Variants in PARP10 observed in about 807,000 individuals in gnomAD.
The protein encoded by PARP10 is protein mono-ADP-ribosyltransferase PARP10.
In PARP10, 56 loss-of-function variants were observed where a neutral mutation model predicts 82.4. That is an observed-to-expected ratio of 0.68 (90% CI 0.55 to 0.85). The LOEUF (loss-of-function observed/expected upper bound fraction) is 0.85, where lower values mean the gene tolerates loss of function less well. Ranked by LOEUF, PARP10 falls within the 40% of genes least tolerant of loss-of-function variation. The probability of loss-of-function intolerance (pLI) is 0.00; values close to 1 mark genes in which losing one functional copy is unlikely to be tolerated. For missense variants in PARP10, 1,227 were observed against 1,379.4 expected, an observed-to-expected ratio of 0.89 and a Z score of 1.75; for synonymous variants, 576 against 601.1, an observed-to-expected ratio of 0.96 and a Z score of 0.61.
chr8:143,978,156 G>A, intron 9 of PARP10, 75 bp from the exon 10 acceptor site: 1 of 1,419,822 alleles, frequency 7.0e-7, no homozygotes, highest in South Asian at 1.5e-5. Flanking sequence ...AGCTGAGCCT[G>A]GCAACCAGGA....
rs1833959909 is a variant in PARP10, at chr8:143,985,280, A to T, written c.722T>A (p.Leu241Gln). 3 of 1,613,108 alleles carry T rather than the reference A, an allele frequency of 1.9e-6. No individual in the cohort carries two copies. The highest frequency in any genetic ancestry group is 2.5e-6 in the Non-Finnish European group (3 of 1,179,596). The change falls in exon 5 of 11, where the codon CTG (leucine) becomes CAG (glutamine). Residue 241 changes from leucine to glutamine, a missense_variant. By Grantham distance (113) the Leu-to-Gln change is moderately radical (BLOSUM62 -2). Coordinates refer to ENST00000313028, the MANE Select transcript of PARP10 (RefSeq NM_032789.5). ...QQEHRLQGSE[L>Q]SLVPHYDILE... ...GATGTCGTAGTGGGGGACAAGGCTCAGCTCTGAGCCCTGCAACCGGTGCTC... is the reference window on the plus strand; with the variant it reads ...GATGTCGTAGTGGGGGACAAGGCTCTGCTCTGAGCCCTGCAACCGGTGCTC...
At position 143,983,378 on chromosome 8, in the gene PARP10, C is replaced by T; in HGVS notation, c.2211G>A (p.Glu737=). ...RAALEVHVQE[E]TVGPWRRTLP... is the part of the protein sequence containing the mutation. ...GTGTGCGGCGCCAGGGCCCCACCGTCTCCTCCTGGACGTGGACCTCCAAGG... is the reference window on the plus strand; with the variant it reads ...GTGTGCGGCGCCAGGGCCCCACCGTTTCCTCCTGGACGTGGACCTCCAAGG... The change falls in exon 8 of 11, where the codon GAG becomes GAA. Residue 737 remains glutamate (E), a synonymous_variant. Transcript: ENST00000313028. The T allele has an allele frequency of 6.2e-7, 1 of 1,606,362 alleles. No homozygotes were observed. The highest frequency in any genetic ancestry group is 8.5e-7 in the Non-Finnish European group (1 of 1,179,086).
chr8:143,983,700 A>G lies in PARP10; in HGVS notation c.1889T>C (p.Val630Ala), dbSNP rs11544989. 0.57 allele frequency: 922,536 copies of G among 1,608,334 alleles called. 272,063 individuals are homozygous for G. The highest frequency in any genetic ancestry group is 0.88 in the African/African-American group (66,264 of 74,894). The part of the protein sequence containing the change: ...EGPQEQPEEE[V>A]TPGHEEEEPV... ...CTCCTCCTCCTCATGCCCTGGGGTC[A>G]CCTCCTCCTCTGGCTGCTCCTGAGG... Residue 630 changes from valine (V) to alanine (A), a missense_variant, in exon 8 of 11, where the codon GTG (valine) becomes GCG (alanine). By Grantham distance (64) the Val-to-Ala change is moderately conservative. Transcript: ENST00000313028.
At position 143,986,080 on chromosome 8, in the gene PARP10, G is replaced by A. The variant is rs782417338; in HGVS notation, c.156C>T (p.Gly52=). 3.7e-6 allele frequency: 6 copies of A among 1,613,960 alleles called. No individual in the cohort carries two copies. In the East Asian group the frequency reaches 1.1e-4, roughly 30 times the overall value. The change falls in exon 2 of 11, where the codon GGC becomes GGT. Residue 52 remains glycine (G), a synonymous_variant. Coordinates refer to ENST00000313028, the MANE Select transcript of PARP10 (RefSeq NM_032789.5). The part of the protein sequence containing the change: ...VLSWQRLGCG[G]VLTFREPADA... ...CTGCAGGCTCTCTGAAGGTGAGGACGCCCCCACAGCCCAGTCTCTGCCAGC... is the reference window on the plus strand; with the variant it reads ...CTGCAGGCTCTCTGAAGGTGAGGACACCCCCACAGCCCAGTCTCTGCCAGC...
At position 143,984,364 on chromosome 8, in the gene PARP10, C is replaced by T; in HGVS notation, c.1526G>A (p.Ser509Asn). 1.2e-6 allele frequency: 2 copies of T among 1,613,472 alleles called. No homozygotes were observed. Among genetic ancestry groups the T allele is most frequent in the East Asian group, 2.2e-5 (1 of 44,884 alleles). ...EFLRSLLGSI[S>N]CHVLCLEHPG... ...GTGCTCCAGGCACAACACATGGCAG[C>T]TAATGCTGCCCAGCAGGCTCCGCAG... The change falls in exon 6 of 11, where the codon AGC (serine) becomes AAC (asparagine). Residue 509 changes from serine to asparagine, a missense_variant. Transcript: ENST00000313028.
At chr8:143,997,030 T>C (rs1834169411) in intron 1 of PARP10, among the ~76,000 whole-genome samples, 1 of 152,152 alleles carries the variant, frequency 6.6e-6, no homozygotes, top group Admixed American at 6.5e-5. Context: ...CCCAGCCTTG[T>C]AGGCTCTCAA....
upstream of PARP10, among the ~76,000 whole-genome samples, chr8:143,994,849 T>C (rs1186436634): frequency 6.6e-6 from 1 of 152,136 alleles, no homozygotes; most frequent in East Asian, 1.9e-4. Context: ...TCCAGCATGC[T>C]GAGGAGGAGA....
chr8:144,000,010 T>C (rs1156625619), intron 1 of PARP10, among the ~76,000 whole-genome samples: 1 of 152,136 alleles, frequency 6.6e-6, no homozygotes, highest in Admixed American at 6.5e-5. Context: ...TACATAACGC[T>C]TGAAATGTTT....
At chr8:143,993,713 C>A (rs1055444478), upstream of PARP10, among the ~76,000 whole-genome samples, 1 of 152,228 alleles carries the variant, frequency 6.6e-6, no homozygotes. Flanking sequence ...CCTCACTCTT[C>A]TGTCGCCTGG....
intron 1 of PARP10, among the ~76,000 whole-genome samples, chr8:144,001,582 T>C (rs1219501104): frequency 2.0e-5 from 3 of 152,042 alleles, no homozygotes; most frequent in South Asian, 2.1e-4. Context: ...GGCTCGCTCT[T>C]GTAATCCCAG....
chr8:143,995,906 G>A (rs1587472028), upstream of PARP10, among the ~76,000 whole-genome samples: 1 of 152,240 alleles, frequency 6.6e-6, no homozygotes, highest in Admixed American at 6.5e-5. Context: ...CTGAGTGGCT[G>A]CTGCCTCTTC....
intron 1 of PARP10, among the ~76,000 whole-genome samples, chr8:143,997,833 C>T (rs1834174185): frequency 6.6e-6 from 1 of 151,798 alleles, no homozygotes; most frequent in African/African-American, 2.4e-5. Context: ...ACTCTGTCAC[C>T]CAGACCGGGA....
chr8:143,982,865 T>A (rs550416848), intron 9 of PARP10, 67 bp downstream of exon 9: 244 of 1,583,314 alleles, frequency 1.5e-4, no homozygotes, highest in Non-Finnish European at 2.0e-4. Context: ...GCCACAGACT[T>A]GGCAAGGCGC....
chr8:144,009,114 C>T (rs976125197), intron 1 of PARP10, among the ~76,000 whole-genome samples: 8 of 152,144 alleles, frequency 5.3e-5, no homozygotes, highest in Non-Finnish European at 1.2e-4. Flanking sequence ...AAGAGGAACC[C>T]GCCTGCAGCT....
At chr8:143,992,531 G>A (rs370949108), upstream of PARP10, 14 of 1,613,994 alleles carry the variant, frequency 8.7e-6, no homozygotes, top group African/African-American at 4.0e-5. Flanking sequence ...CTTCATCTTC[G>A]CCATTCTCTG....
intron 1 of PARP10, among the ~76,000 whole-genome samples, chr8:144,007,943 C>T (rs1834245802): frequency 6.6e-6 from 1 of 152,190 alleles, no homozygotes; most frequent in African/African-American, 2.4e-5. Flanking sequence ...ACAATAAGCG[C>T]TCAATAATGT....
exon 1 of PARP10, chr8:144,012,714 C>A (rs1043014576): frequency 8.9e-5 from 138 of 1,551,558 alleles, no homozygotes; most frequent in Non-Finnish European, 1.2e-4. Flanking sequence ...CCTTTCCTCA[C>A]GCCAGAACAA....
At position 143,985,910 on chromosome 8, in the gene PARP10, C is replaced by T; in HGVS notation, c.247G>A (p.Ala83Thr). Reference sequence around the variant, plus strand: ...AGGCGTGCAGGGGCTCGTGGTGGAGCTGGCCGCAGGCTCAGCTGGGCACCA... The same window carrying T: ...AGGCGTGCAGGGGCTCGTGGTGGAGTTGGCCGCAGGCTCAGCTGGGCACCA... ...LHGAQLSLRP[A>T]PPRAPARLLL... Residue 83 changes from alanine to threonine, a missense_variant, in exon 3 of 11, where the codon GCT becomes ACT. Transcript: ENST00000313028. 1 of 1,580,856 alleles carries T rather than the reference C, an allele frequency of 6.3e-7. No individual in the cohort carries two copies. Among genetic ancestry groups the T allele is most frequent in the South Asian group, 1.1e-5 (1 of 87,832 alleles).
rs200427491 is a variant in PARP10, at chr8:143,983,488, C to A, written c.2101G>T (p.Gly701Trp). 2.7e-5 allele frequency: 43 copies of A among 1,606,730 alleles called. 1 individual carries two copies. The highest frequency in any genetic ancestry group is 3.4e-5 in the Admixed American group (2 of 59,638). ...PPLEAEEPPD[G>W]GTDGKAQLVV... Reference sequence around the variant, plus strand: ...AGCTGGGCCTTGCCATCAGTCCCCCCATCTGGGGGCTCTTCTGCCTCCAAC... The same window carrying A: ...AGCTGGGCCTTGCCATCAGTCCCCCAATCTGGGGGCTCTTCTGCCTCCAAC... The change falls in exon 8 of 11, where the codon GGG (glycine) becomes TGG (tryptophan). Residue 701 changes from glycine (G) to tryptophan (W), a missense_variant. Transcript: ENST00000313028.
Sources: allele counts gnomAD v4.1 joint callset (sites outside exome capture counted in the v4.1 genomes callset), GRCh38; gene constraint gnomAD v4.1.1; transcripts MANE v1.5; gene names NCBI Gene and HGNC (gene_info 2026-07-23, HGNC 2026-07-21).